The following ACSL4 variants were observed in gnomAD, a reference collection of about 807,000 sequenced individuals.
The protein encoded by ACSL4 is long-chain-fatty-acid--CoA ligase 4.
ACSL4 carries 9 observed loss-of-function variants against 49.1 expected under a neutral mutation model. The ratio of observed to expected loss-of-function variants is 0.18; its 90% CI spans 0.11 to 0.32. The LOEUF (loss-of-function observed/expected upper bound fraction) is 0.32, where lower values mean the gene tolerates loss of function less well. Ranked by LOEUF, ACSL4 falls within the 10% of genes least tolerant of loss-of-function variation. The pLI is 1.00. For synonymous variants in ACSL4, 191 were observed against 170.3 expected, an observed-to-expected ratio of 1.12 and a Z score of -0.95; for missense variants, 333 against 493.7, an observed-to-expected ratio of 0.67 and a Z score of 3.08.
chrX:109,702,958 T>C (rs1926080318), intron 1 of ACSL4, among the ~76,000 whole-genome samples: 1 of 111,720 alleles, frequency 9.0e-6, no homozygotes, highest in Non-Finnish European at 1.9e-5. Flanking sequence ...ATAAAGGAAA[T>C]AGAAATCTCC....
Position 109,718,487 on chromosome X carries a change from G to A in ACSL4, c.-66+14652C>T, listed in dbSNP as rs142643076. Among the ~76,000 whole-genome samples, 113 of 112,353 alleles carry A rather than the reference G, an allele frequency of 1.0e-3. 1 individual carries two copies. The highest frequency in any genetic ancestry group is 3.3e-3 in the African/African-American group (103 of 30,934). On this transcript the variant is annotated intron_variant, in intron 1 of 15. Transcript: ENST00000672401. The stretch of plus-strand genomic sequence containing the variant: ...ATCCCATAGTCAGCCAGGCGCAGTG[G>A]CTTACTCATGTAATCCCAACATTTT...
chrX:109,647,018 C>A (rs1350428208), intron 15 of ACSL4, among the ~76,000 whole-genome samples: 1 of 111,457 alleles, frequency 9.0e-6, no homozygotes, highest in Non-Finnish European at 1.9e-5. Flanking sequence ...CCTAGATTCA[C>A]AAAGCAAGTC....
At chrX:109,645,857 G>A (rs1002634782) in intron 15 of ACSL4, among the ~76,000 whole-genome samples, 4 of 112,408 alleles carry the variant, frequency 3.6e-5, no homozygotes, top group African/African-American at 9.7e-5. Flanking sequence ...GCCAAGGCTC[G>A]AGAACTACGT....
chrX:109,647,818 G>A (rs1267867475), intron 15 of ACSL4, among the ~76,000 whole-genome samples: 7 of 110,263 alleles, frequency 6.3e-5, no homozygotes, highest in Admixed American at 9.6e-5. Flanking sequence ...TCAAATAGAC[G>A]CAATAAAAAA....
chrX:109,667,662 C>T lies in ACSL4; in HGVS notation c.1315+439G>A, dbSNP rs374536695. ...CTGTAATCCCAGCACTTTGGGAGGC[C>T]GAGGCAGGCAGATCACCTGAGGTCA... is the stretch of plus-strand genomic sequence containing the variant. On this transcript the variant is annotated intron_variant, in intron 11 of 15. Transcript: ENST00000672401. 1.2e-4 allele frequency among the ~76,000 whole-genome samples: 13 copies of T among 111,431 alleles called. No individual in the cohort carries two copies. The East Asian group carries it at 3.6e-3, about 31-fold the overall frequency.
At chrX:109,646,772 A>C (rs1934729433) in intron 15 of ACSL4, among the ~76,000 whole-genome samples, 1 of 110,797 alleles carries the variant, frequency 9.0e-6, no homozygotes, top group South Asian at 3.9e-4. Flanking sequence ...GTATTCAGGA[A>C]ACCCATCTCA....
chrX:109,717,501 C>CA (rs199647941), intron 1 of ACSL4, among the ~76,000 whole-genome samples: 5 of 108,066 alleles, frequency 4.6e-5, no homozygotes, highest in East Asian at 2.9e-4. Flanking sequence ...CATCTCAAAA[C>CA]AAAAAAAAAG....
chrX:109,668,456 T>G (rs1252138293), intron 10 of ACSL4, among the ~76,000 whole-genome samples, 183 bp from the exon 11 acceptor site: 1 of 111,496 alleles, frequency 9.0e-6, no homozygotes, highest in Admixed American at 9.5e-5. Context: ...CAGAAAAAAC[T>G]CTTTAAAAAT....
chrX:109,667,829 T>G (rs1413832543), intron 11 of ACSL4, among the ~76,000 whole-genome samples: 2 of 109,066 alleles, frequency 1.8e-5, no homozygotes, highest in Admixed American at 9.8e-5. Flanking sequence ...GAGGTGGAGG[T>G]TGCAGTGAGC....
intron 1 of ACSL4, among the ~76,000 whole-genome samples, chrX:109,729,548 C>G (rs984219954): frequency 3.6e-5 from 4 of 112,042 alleles, no homozygotes; most frequent in Non-Finnish European, 7.5e-5. Context: ...ACTAAACATG[C>G]AAGTGCTATA....
At chrX:109,674,612 A>G in intron 8 of ACSL4, 139 bp from the exon 9 acceptor site, 1 of 486,558 alleles carries the variant, frequency 2.1e-6, no homozygotes, top group East Asian at 3.7e-5. Context: ...AACAACTATC[A>G]TAACCTACAA....
chrX:109,667,838 G>A (rs1336743951), intron 11 of ACSL4, among the ~76,000 whole-genome samples: 5 of 109,942 alleles, frequency 4.5e-5, no homozygotes, highest in African/African-American at 1.0e-4. Flanking sequence ...GTTGCAGTGA[G>A]CTGAGATTAT....
At chrX:109,701,659 C>T (rs1163637667) in intron 1 of ACSL4, among the ~76,000 whole-genome samples, 2 of 103,998 alleles carry the variant, frequency 1.9e-5, no homozygotes, top group African/African-American at 7.0e-5. Context: ...ATTCTCCTGC[C>T]TCAGCCTCCC....
chrX:109,731,531 A>C (rs937275530), intron 1 of ACSL4, among the ~76,000 whole-genome samples: 2 of 108,361 alleles, frequency 1.8e-5, no homozygotes, highest in African/African-American at 6.7e-5. Flanking sequence ...ATACTGAAAG[A>C]AATATCTTAA....
At chrX:109,677,109 A>G (rs1333794551) in intron 8 of ACSL4, among the ~76,000 whole-genome samples, 1 of 109,505 alleles carries the variant, frequency 9.1e-6, no homozygotes, top group Non-Finnish European at 1.9e-5. Flanking sequence ...ACAGGCGCCC[A>G]CCACCTCGCC....
At chrX:109,724,349 G>T (rs764246100) in intron 1 of ACSL4, among the ~76,000 whole-genome samples, 167 of 110,887 alleles carry the variant, frequency 1.5e-3, no homozygotes, top group African/African-American at 5.3e-3. Context: ...ACCTTGGATC[G>T]CTGCAACCTC....
intron 1 of ACSL4, among the ~76,000 whole-genome samples, chrX:109,728,409 T>C: frequency 8.9e-6 from 1 of 112,788 alleles, no homozygotes; most frequent in East Asian, 2.8e-4. Context: ...ACCAAAATCC[T>C]TGATGGAAAA....
intron 1 of ACSL4, among the ~76,000 whole-genome samples, chrX:109,728,561 G>A (rs1928183521): frequency 8.9e-6 from 1 of 112,120 alleles, no homozygotes; most frequent in African/African-American, 3.2e-5. Flanking sequence ...ATATTTTTAA[G>A]GCAGCCATTT....
At chrX:109,709,144 C>G (rs1926572720) in intron 1 of ACSL4, among the ~76,000 whole-genome samples, 1 of 111,761 alleles carries the variant, frequency 8.9e-6, no homozygotes, top group East Asian at 2.8e-4. Context: ...CAGAATCAGT[C>G]CCCTACAGGA....
Sources: gnomAD v4.1 joint callset for allele counts (sites outside exome capture counted in the v4.1 genomes callset) on GRCh38, gnomAD v4.1.1 for gene constraint, MANE v1.5 for transcripts, NCBI Gene and HGNC (gene_info 2026-07-23, HGNC 2026-07-21) for gene names.